Variants in C10orf95 observed in about 807,000 individuals in gnomAD.
C10orf95 encodes the protein chromosome 10 open reading frame 95, also known as uncharacterized protein C10orf95.
For missense variants in C10orf95, 412 were observed against 327.4 expected (o/e 1.26, Z -1.99); for synonymous variants, 188 against 160.4 (o/e 1.17, Z -1.30).
Position 102,450,719 on chromosome 10 carries a change from G to A in C10orf95, c.375C>T (p.Gly125=), listed in dbSNP as rs1481075194. The change falls in exon 2 of 2, where the codon GGC becomes GGT. Residue 125 remains glycine (G), a synonymous_variant. Transcript: ENST00000625129. ...GGSLQTELRW[G]RVERARGPPL... ...GGGGGCCCCGCGCGCGCTCCACGCG[G>A]CCCCAGCGCAGCTCGGTTTGCAGGC... is the stretch of plus-strand genomic sequence containing the variant. 1.5e-6 allele frequency: 2 copies of A among 1,302,298 alleles called. No individual in the cohort carries two copies. Among genetic ancestry groups the A allele is most frequent in the African/African-American group, 1.6e-5 (1 of 64,042 alleles). The allele number at this position is 1,302,298 out of a possible 1,614,324, so 80.7% of individuals were successfully genotyped here. A position where few individuals can be genotyped will look rare whatever the true frequency, so the allele number is the denominator to read the frequency against.
chr10:102,451,406 G>A lies in C10orf95; in HGVS notation c.-75C>T. 6.6e-7 allele frequency: 1 copy of A among 1,510,506 alleles called. No individual in the cohort carries two copies. Among genetic ancestry groups the A allele is most frequent in the South Asian group, 1.1e-5 (1 of 89,328 alleles). 93.6% of individuals were successfully genotyped at this position (1,510,506 alleles called of 1,614,324 possible). Reference sequence around the variant, plus strand: ...CTCACTTGTCTCCTTCAGCCTTGGGGAGCCGGCGGGATCCAGAGCGGGGCT... The same window carrying A: ...CTCACTTGTCTCCTTCAGCCTTGGGAAGCCGGCGGGATCCAGAGCGGGGCT... On this transcript the variant is annotated 5_prime_UTR_variant, in exon 1 of 2. Transcript: ENST00000625129.
chr10:102,450,376 T>TG lies in C10orf95; in HGVS notation c.*75dup. 6.9e-7 allele frequency: 1 copy of TG among 1,458,336 alleles called. No homozygotes were observed. The highest frequency in any genetic ancestry group is 1.7e-4 in the Middle Eastern group (1 of 5,764). The allele number at this position is 1,458,336 out of a possible 1,614,324, so 90.3% of individuals were successfully genotyped here. ...CCGCGCACAGGTGAGGGCTCACTTC[T>TG]GCCTGTCGGCGGCGGCACACACAGG... On this transcript the variant is annotated 3_prime_UTR_variant, in exon 2 of 2. Coordinates refer to ENST00000625129, the MANE Select transcript of C10orf95 (RefSeq NM_001363580.1).
At position 102,450,223 on chromosome 10, in the gene C10orf95, G is replaced by T. The variant is rs2061682713; in HGVS notation, c.*229C>A. On this transcript the variant is annotated 3_prime_UTR_variant, in exon 2 of 2. Transcript: ENST00000625129. ...AAAGAGGTACAGAACACCCAGAGGT[G>T]CCCTCGATTCCGTCTTGCACTTGCC... The T allele has an allele frequency of 1.5e-6, 1 of 669,574 alleles. No individual in the cohort carries two copies. Among genetic ancestry groups the T allele is most frequent in the South Asian group, 1.5e-5 (1 of 66,154 alleles). The allele number at this position is 669,574 out of a possible 1,614,324, so 41.5% of individuals were successfully genotyped here.
In C10orf95 at chr10:102,451,015, C is replaced by T; in HGVS notation, c.79G>A (p.Ala27Thr). 1.5e-6 allele frequency: 2 copies of T among 1,324,792 alleles called. No individual in the cohort carries two copies. Among genetic ancestry groups the T allele is most frequent in the Admixed American group, 3.0e-5 (1 of 33,502 alleles). The allele number at this position is 1,324,792 out of a possible 1,614,324, so 82.1% of individuals were successfully genotyped here. A position where few individuals can be genotyped will look rare whatever the true frequency, so the allele number is the denominator to read the frequency against. ...ACTGGGGGTAGCAGCAGAGGGGCGG[C>T]CAGGTAGGTGCAGGTGAGCAGCTGC... ...PPQLLTCTYL[A>T]APLLLPPVQA... The change falls in exon 2 of 2, where the codon GCC becomes ACC. Residue 27 changes from alanine to threonine, a missense_variant. By Grantham distance (58) the Ala-to-Thr change is moderately conservative (BLOSUM62 0). Coordinates refer to ENST00000625129, the MANE Select transcript of C10orf95 (RefSeq NM_001363580.1).
chr10:102,450,317 A>C lies in C10orf95; in HGVS notation c.*135T>G. On this transcript the variant is annotated 3_prime_UTR_variant, in exon 2 of 2. Coordinates refer to ENST00000625129, the MANE Select transcript of C10orf95 (RefSeq NM_001363580.1). ...GAAACTGGCCGGCAGTCATGGGAGA[A>C]GCCAAAAAGACAGGTGAGCAGCGCG... 1.0e-6 allele frequency: 1 copy of C among 968,366 alleles called. No homozygotes were observed. Among genetic ancestry groups the C allele is most frequent in the African/African-American group, 1.6e-5 (1 of 61,536 alleles). The allele number at this position is 968,366 out of a possible 1,614,324, so 60.0% of individuals were successfully genotyped here. A position where few individuals can be genotyped will look rare whatever the true frequency, so the allele number is the denominator to read the frequency against.
chr10:102,451,060 C>G lies in C10orf95; in HGVS notation c.34G>C (p.Gly12Arg). The G allele has an allele frequency of 7.4e-7, 1 of 1,358,052 alleles. No homozygotes were observed. Among genetic ancestry groups the G allele is most frequent in the Non-Finnish European group, 9.5e-7 (1 of 1,053,980 alleles). The allele number at this position is 1,358,052 out of a possible 1,614,324, so 84.1% of individuals were successfully genotyped here. A position where few individuals can be genotyped will look rare whatever the true frequency, so the allele number is the denominator to read the frequency against. The change falls in exon 2 of 2, where the codon GGC (glycine) becomes CGC (arginine). Residue 12 changes from glycine to arginine, a missense_variant. Gly to Arg is a moderately radical substitution (Grantham distance 125). Transcript: ENST00000625129. Reference sequence around the variant, plus strand: ...AGCTGCGGCGGCGGCGGCCAGACGCCCTGTTTGGGCGGCGGCCAGCTGTAC... The same window carrying G: ...AGCTGCGGCGGCGGCGGCCAGACGCGCTGTTTGGGCGGCGGCCAGCTGTAC... ...YVYSWPPPKQGVWPPPPQLLT... is the reference protein window; with the variant it reads ...YVYSWPPPKQRVWPPPPQLLT...
rs1195940606 is a variant in C10orf95, at chr10:102,450,714, A to C, written c.380T>G (p.Val127Gly). The C allele has an allele frequency of 1.2e-5, 15 of 1,271,742 alleles. No individual in the cohort carries two copies. The highest frequency in any genetic ancestry group is 1.5e-5 in the Non-Finnish European group (15 of 1,007,246). 78.8% of individuals were successfully genotyped at this position (1,271,742 alleles called of 1,614,324 possible). A position where few individuals can be genotyped will look rare whatever the true frequency, so the allele number is the denominator to read the frequency against. ...CAGAGGGGGGCCCCGCGCGCGCTCC[A>C]CGCGGCCCCAGCGCAGCTCGGTTTG... Reference protein sequence around the residue: ...SLQTELRWGRVERARGPPLQL... With the variant: ...SLQTELRWGRGERARGPPLQL... The change falls in exon 2 of 2, where the codon GTG becomes GGG. Residue 127 changes from valine (V) to glycine (G), a missense_variant. Physicochemically the swap from Val to Gly is moderately radical, Grantham distance 109. Coordinates refer to ENST00000625129, the MANE Select transcript of C10orf95 (RefSeq NM_001363580.1).
Position 102,451,116 on chromosome 10 carries a change from T to A in C10orf95, c.-23A>T. ...CATGGTCGGCCCCCCAGGCGGCTGCTGTTCTTACTGGGGGCTCCTGCGGAT... is the reference window on the plus strand; with the variant it reads ...CATGGTCGGCCCCCCAGGCGGCTGCAGTTCTTACTGGGGGCTCCTGCGGAT... On this transcript the variant is annotated 5_prime_UTR_variant, in exon 2 of 2. Transcript: ENST00000625129. 6 of 1,445,030 alleles carry A rather than the reference T, an allele frequency of 4.2e-6. No individual in the cohort carries two copies. The highest frequency in any genetic ancestry group is 5.4e-6 in the Non-Finnish European group (6 of 1,101,832). 89.5% of individuals were successfully genotyped at this position (1,445,030 alleles called of 1,614,324 possible). A position where few individuals can be genotyped will look rare whatever the true frequency, so the allele number is the denominator to read the frequency against.
chr10:102,450,313 G>C lies in C10orf95; in HGVS notation c.*139C>G. 1.1e-6 allele frequency: 1 copy of C among 947,070 alleles called. No individual in the cohort carries two copies. The highest frequency in any genetic ancestry group is 1.6e-6 in the Non-Finnish European group (1 of 613,698). The allele number at this position is 947,070 out of a possible 1,614,324, so 58.7% of individuals were successfully genotyped here. A position where few individuals can be genotyped will look rare whatever the true frequency, so the allele number is the denominator to read the frequency against. On this transcript the variant is annotated 3_prime_UTR_variant, in exon 2 of 2. Coordinates refer to ENST00000625129, the MANE Select transcript of C10orf95 (RefSeq NM_001363580.1). The stretch of plus-strand genomic sequence containing the variant: ...GCAGGAAACTGGCCGGCAGTCATGG[G>C]AGAAGCCAAAAAGACAGGTGAGCAG...
In C10orf95 at chr10:102,450,520, C is replaced by A. The variant is rs750124455; in HGVS notation, c.574G>T (p.Gly192Cys). 3.6e-6 allele frequency: 5 copies of A among 1,397,172 alleles called. No individual in the cohort carries two copies. The highest frequency in any genetic ancestry group is 2.8e-6 in the Non-Finnish European group (3 of 1,083,512). 86.5% of individuals were successfully genotyped at this position (1,397,172 alleles called of 1,614,324 possible). Residue 192 changes from glycine to cysteine, a missense_variant, in exon 2 of 2, where the codon GGC becomes TGC. By Grantham distance (159) the Gly-to-Cys change is radical. Transcript: ENST00000625129. Reference protein sequence around the residue: ...EWRVRRRPDSGDSSPAREAAE... With the variant: ...EWRVRRRPDSCDSSPAREAAE... ...GCTTCCCGGGCTGGGCTGCTGTCGC[C>A]GCTGTCGGGCCGGCGCCGCACGCGC...
Position 102,451,385 on chromosome 10 carries a change from C to G in C10orf95, c.-55+1G>C. 2.6e-6 allele frequency: 4 copies of G among 1,547,372 alleles called. No individual in the cohort carries two copies. In the South Asian group the frequency reaches 3.4e-5, roughly 13 times the overall value. On this transcript the variant is annotated splice_donor_variant, in intron 1 of 1. Transcript: ENST00000625129. LOFTEE classifies it low-confidence loss of function (5UTR_SPLICE). ...GCTCTTCCCAGTGACTCCCCACTCA[C>G]TTGTCTCCTTCAGCCTTGGGGAGCC...
chr10:102,450,757 GC>G lies in C10orf95; in HGVS notation c.336del (p.Trp112CysfsTer101), dbSNP rs748248739. The G allele has an allele frequency of 1.2e-5, 16 of 1,311,668 alleles. No individual in the cohort carries two copies. The Admixed American group carries it at 3.0e-4, about 24-fold the overall frequency. The allele number at this position is 1,311,668 out of a possible 1,614,324, so 81.3% of individuals were successfully genotyped here. Reference sequence around the variant, plus strand: ...TCGGTTTGCAGGCTCCCGCCCTCCGGCCACGGCGCCCAGCTCTCGGCCACCG... The same window carrying G: ...TCGGTTTGCAGGCTCCCGCCCTCCGGCACGGCGCCCAGCTCTCGGCCACCG... Reference protein sequence around the residue: ...PAAVAESWAPWPEGGSLQTEL... With the variant: ...PAAVAESWAPXPEGGSLQTEL... On this transcript the variant is annotated frameshift_variant, in exon 2 of 2. Transcript: ENST00000625129. LOFTEE classifies it low-confidence loss of function (END_TRUNC).
intron 1 of C10orf95, 117 bp downstream of exon 1, chr10:102,451,269 A>T: frequency 7.0e-7 from 1 of 1,422,060 alleles, no homozygotes; most frequent in South Asian, 1.5e-5. Context: ...TCGAACATTC[A>T]GCTCCCCGCC....
chr10:102,450,326 G>C lies in C10orf95; in HGVS notation c.*126C>G. 1 of 1,046,634 alleles carries C rather than the reference G, an allele frequency of 9.6e-7. No individual in the cohort carries two copies. The highest frequency in any genetic ancestry group is 1.4e-6 in the Non-Finnish European group (1 of 704,676). The allele number at this position is 1,046,634 out of a possible 1,614,324, so 64.8% of individuals were successfully genotyped here. A position where few individuals can be genotyped will look rare whatever the true frequency, so the allele number is the denominator to read the frequency against. ...CGGCAGTCATGGGAGAAGCCAAAAA[G>C]ACAGGTGAGCAGCGCGTCCGCCTCC... is the stretch of plus-strand genomic sequence containing the variant. On this transcript the variant is annotated 3_prime_UTR_variant, in exon 2 of 2. Coordinates refer to ENST00000625129, the MANE Select transcript of C10orf95 (RefSeq NM_001363580.1).
Position 102,450,614 on chromosome 10 carries a change from G to A in C10orf95, c.480C>T (p.Thr160=), listed in dbSNP as rs1454853220. ...GCAGCAGGAACTGGCCGCGGCGCTGGGTGACGCGCACGTCGGCGCGGGGGT... is the reference window on the plus strand; with the variant it reads ...GCAGCAGGAACTGGCCGCGGCGCTGAGTGACGCGCACGTCGGCGCGGGGGT... ...GTYPRADVRV[T]QRRGQFLLQA... is the part of the protein sequence containing the mutation. Residue 160 remains threonine (T), a synonymous_variant, in exon 2 of 2, where the codon ACC becomes ACT. Coordinates refer to ENST00000625129, the MANE Select transcript of C10orf95 (RefSeq NM_001363580.1). 1.2e-5 allele frequency: 15 copies of A among 1,243,308 alleles called. No homozygotes were observed. Among genetic ancestry groups the A allele is most frequent in the Admixed American group, 8.6e-5 (2 of 23,130 alleles). 77.0% of individuals were successfully genotyped at this position (1,243,308 alleles called of 1,614,324 possible). A position where few individuals can be genotyped will look rare whatever the true frequency, so the allele number is the denominator to read the frequency against.
At position 102,451,419 on chromosome 10, in the gene C10orf95, C is replaced by T. The variant is rs1336474585; in HGVS notation, c.-88G>A. On this transcript the variant is annotated 5_prime_UTR_variant, in exon 1 of 2. Transcript: ENST00000625129. ...TTCAGCCTTGGGGAGCCGGCGGGAT[C>T]CAGAGCGGGGCTCCTCTCCGCACTT... The T allele has an allele frequency of 3.4e-6, 5 of 1,488,676 alleles. No individual in the cohort carries two copies. Among genetic ancestry groups the T allele is most frequent in the Admixed American group, 1.8e-5 (1 of 56,010 alleles). 92.2% of individuals were successfully genotyped at this position (1,488,676 alleles called of 1,614,324 possible).
In C10orf95 at chr10:102,450,492, G is replaced by C; in HGVS notation, c.602C>G (p.Ala201Gly). 1 of 1,447,706 alleles carries C rather than the reference G, an allele frequency of 6.9e-7. No individual in the cohort carries two copies. The highest frequency in any genetic ancestry group is 9.0e-7 in the Non-Finnish European group (1 of 1,107,002). The allele number at this position is 1,447,706 out of a possible 1,614,324, so 89.7% of individuals were successfully genotyped here. A position where few individuals can be genotyped will look rare whatever the true frequency, so the allele number is the denominator to read the frequency against. Residue 201 changes from alanine to glycine, a missense_variant, in exon 2 of 2, where the codon GCG becomes GGG. By Grantham distance (60) the Ala-to-Gly change is moderately conservative. Transcript: ENST00000625129. ...GCTCTTCCTGGGGCGGCCGCGCTCC[G>C]CGGCTTCCCGGGCTGGGCTGCTGTC... ...SGDSSPAREA[A>G]ERGRPRKSKG... is the part of the protein sequence containing the mutation.
rs2135482688 is a variant in C10orf95, at chr10:102,450,998, T to G, written c.96A>C (p.Leu32=). The part of the protein sequence containing the change: ...TCTYLAAPLL[L]PPVQAHSFRS... Reference sequence around the variant, plus strand: ...GGAAGCTGTGGGCCTGGACTGGGGGTAGCAGCAGAGGGGCGGCCAGGTAGG... The same window carrying G: ...GGAAGCTGTGGGCCTGGACTGGGGGGAGCAGCAGAGGGGCGGCCAGGTAGG... The change falls in exon 2 of 2, where the codon CTA becomes CTC. Residue 32 remains leucine (L), a synonymous_variant. Transcript: ENST00000625129. The G allele has an allele frequency of 7.6e-7, 1 of 1,315,656 alleles. No individual in the cohort carries two copies. Among genetic ancestry groups the G allele is most frequent in the Non-Finnish European group, 9.7e-7 (1 of 1,031,698 alleles). 81.5% of individuals were successfully genotyped at this position (1,315,656 alleles called of 1,614,324 possible). A position where few individuals can be genotyped will look rare whatever the true frequency, so the allele number is the denominator to read the frequency against.
In C10orf95 at chr10:102,450,672, A is replaced by T; in HGVS notation, c.422T>A (p.Val141Glu). The change falls in exon 2 of 2, where the codon GTG becomes GAG. Residue 141 changes from valine (V) to glutamate (E), a missense_variant. By Grantham distance (121) the Val-to-Glu change is moderately radical (BLOSUM62 -2). Coordinates refer to ENST00000625129, the MANE Select transcript of C10orf95 (RefSeq NM_001363580.1). Reference sequence around the variant, plus strand: ...GTACGCGCGCCGCAGCTCCCGGCGCACGAAGTCCGGTAGCTGCAGAGGGGG... The same window carrying T: ...GTACGCGCGCCGCAGCTCCCGGCGCTCGAAGTCCGGTAGCTGCAGAGGGGG... ...RGPPLQLPDF[V>E]RRELRRAYGT... 2.4e-6 allele frequency: 3 copies of T among 1,229,324 alleles called. No individual in the cohort carries two copies. Among genetic ancestry groups the T allele is most frequent in the Non-Finnish European group, 3.0e-6 (3 of 986,514 alleles). The allele number at this position is 1,229,324 out of a possible 1,614,324, so 76.2% of individuals were successfully genotyped here. A position where few individuals can be genotyped will look rare whatever the true frequency, so the allele number is the denominator to read the frequency against.
Sources: allele counts gnomAD v4.1 joint callset, GRCh38; gene constraint gnomAD v4.1.1; transcripts MANE v1.5; gene names NCBI Gene and HGNC (gene_info 2026-07-23, HGNC 2026-07-21).